CRTAC1: variants seen among roughly 807,000 people sequenced by gnomAD.
CRTAC1 encodes the protein cartilage acidic protein 1, also known as acidic secreted protein in cartilage.
In CRTAC1, 37 loss-of-function variants were observed where a neutral mutation model predicts 67.8. That is an observed-to-expected ratio of 0.55 (90% CI 0.42 to 0.72). The LOEUF is 0.72. Ranked by LOEUF, CRTAC1 falls within the 30% of genes least tolerant of loss-of-function variation. CRTAC1 has a pLI of 0.00. For missense variants in CRTAC1, 780 were observed against 931.6 expected (o/e 0.84, Z 2.12); for synonymous variants, 348 against 371.0 (o/e 0.94, Z 0.71).
At chr10:98,006,497 CCA>C (rs1439194167) in intron 2 of CRTAC1, among the ~76,000 whole-genome samples, 1 of 152,178 alleles carries the variant, frequency 6.6e-6, no homozygotes, top group Non-Finnish European at 1.5e-5. Flanking sequence ...CCTGCTCCTC[CCA>C]GAGTCAGAGA....
intron 2 of CRTAC1, among the ~76,000 whole-genome samples, chr10:98,010,935 C>T (rs1842892992): frequency 6.6e-6 from 1 of 152,186 alleles, no homozygotes; most frequent in South Asian, 2.1e-4. Context: ...CCATCCTGAC[C>T]CACTGCAGTA....
intron 5 of CRTAC1, among the ~76,000 whole-genome samples, chr10:97,911,595 A>C (rs903301684): frequency 1.3e-5 from 2 of 150,920 alleles, no homozygotes; most frequent in African/African-American, 4.9e-5. Flanking sequence ...CGGGGGGCTG[A>C]GGTGGGGCAG....
In CRTAC1 at chr10:98,001,549, T is replaced by A. The variant is rs557838801; in HGVS notation, c.224+9589A>T. On this transcript the variant is annotated intron_variant, in intron 2 of 14. Transcript: ENST00000370597. ...TCTCAATTTTAGAGATATTAAAATGTAAAAAAAAAAAATGTGACTTAGGAT... is the reference window on the plus strand; with the variant it reads ...TCTCAATTTTAGAGATATTAAAATGAAAAAAAAAAAAATGTGACTTAGGAT... 3.7e-4 allele frequency among the ~76,000 whole-genome samples: 54 copies of A among 146,798 alleles called. 1 individual carries two copies. In the South Asian group the frequency reaches 0.011, roughly 30 times the overall value.
At chr10:97,977,812 A>C (rs1365469427) in intron 2 of CRTAC1, among the ~76,000 whole-genome samples, 1 of 152,206 alleles carries the variant, frequency 6.6e-6, no homozygotes, top group African/African-American at 2.4e-5. Flanking sequence ...TCACGAGTGT[A>C]AATCAGAGTG....
Position 97,895,804 on chromosome 10 carries a change from C to A in CRTAC1, c.1317+81G>T. The A allele has an allele frequency of 2.5e-6, 3 of 1,212,974 alleles. No homozygotes were observed. The highest frequency in any genetic ancestry group is 3.6e-6 in the Non-Finnish European group (3 of 833,396). 75.1% of individuals were successfully genotyped at this position (1,212,974 alleles called of 1,614,324 possible). ...CCCACCATGCTGGCCAAGCCAGCAC[C>A]CCGGCACCTTGCCCTCACCAACTCA... On this transcript the variant is annotated intron_variant, in intron 10 of 14. Coordinates refer to ENST00000370597, the MANE Select transcript of CRTAC1 (RefSeq NM_018058.7). The surrounding 1 kb of genome is among the most constrained non-coding windows in gnomAD (Gnocchi z 4.2).
intron 5 of CRTAC1, among the ~76,000 whole-genome samples, chr10:97,914,889 G>A (rs558363251): frequency 2.0e-5 from 3 of 152,238 alleles, no homozygotes; most frequent in Admixed American, 6.5e-5. Context: ...CCACCCTCCC[G>A]GGGCCCTCGA....
At position 97,917,655 on chromosome 10, in the gene CRTAC1, C is replaced by T. The variant is rs763933401; in HGVS notation, c.560G>A (p.Gly187Asp). ...GRSVACVDRKGSGRYSIYIAN... is the reference protein window; with the variant it reads ...GRSVACVDRKDSGRYSIYIAN... Reference sequence around the variant, plus strand: ...AATGTAGATAGAGTAGCGTCCAGAGCCCTGAGGAAGAAGGGAAGGGAGAGG... The same window carrying T: ...AATGTAGATAGAGTAGCGTCCAGAGTCCTGAGGAAGAAGGGAAGGGAGAGG... Residue 187 changes from glycine to aspartate, a missense_variant and splice_region_variant, in exon 5 of 15, where the codon GGC becomes GAC. By Grantham distance (94) the Gly-to-Asp change is moderately conservative. Transcript: ENST00000370597. 26 of 1,543,648 alleles carry T rather than the reference C, an allele frequency of 1.7e-5. No homozygotes were observed. The highest frequency in any genetic ancestry group is 2.2e-5 in the Non-Finnish European group (25 of 1,135,930).
rs558120242 is a variant in CRTAC1 at position 97,939,359 on chromosome 10, C to T, written c.225-2993G>A. On this transcript the variant is annotated intron_variant, in intron 2 of 14. Coordinates refer to ENST00000370597, the MANE Select transcript of CRTAC1 (RefSeq NM_018058.7). Reference sequence around the variant, plus strand: ...GGTTGCTAGGCTGGGTCAAATTCTTCGATCAGTTACTGAGTGAGCACACGC... The same window carrying T: ...GGTTGCTAGGCTGGGTCAAATTCTTTGATCAGTTACTGAGTGAGCACACGC... 5.3e-4 allele frequency among the ~76,000 whole-genome samples: 81 copies of T among 152,264 alleles called. No individual in the cohort carries two copies. The South Asian group carries it at 0.013, about 24-fold the overall frequency.
At chr10:97,980,767 G>A (rs561922894) in intron 2 of CRTAC1, among the ~76,000 whole-genome samples, 5 of 152,192 alleles carry the variant, frequency 3.3e-5, no homozygotes, top group Non-Finnish European at 5.9e-5. Context: ...CCCCACGGAG[G>A]TGTCTAGTAT....
chr10:97,950,249 A>AGG (rs1438958542), intron 2 of CRTAC1, among the ~76,000 whole-genome samples: 2 of 91,810 alleles, frequency 2.2e-5, no homozygotes, highest in African/African-American at 8.3e-5. Context: ...ACACACACAG[A>AGG]GAGAGAGAGA....
At chr10:97,907,506 A>G (rs565243191) in intron 6 of CRTAC1, among the ~76,000 whole-genome samples, 1 of 151,276 alleles carries the variant, frequency 6.6e-6, no homozygotes, top group African/African-American at 2.4e-5. Flanking sequence ...TTACAGCCGG[A>G]TATTTTTGTC....
intron 2 of CRTAC1, among the ~76,000 whole-genome samples, chr10:97,937,069 C>G (rs374989410): frequency 1.1e-4 from 16 of 152,310 alleles, no homozygotes; most frequent in African/African-American, 3.8e-4. Flanking sequence ...ATGAACACGT[C>G]TAAAGTTATT....
At chr10:97,938,021 T>C (rs1000831472) in intron 2 of CRTAC1, among the ~76,000 whole-genome samples, 2 of 152,200 alleles carry the variant, frequency 1.3e-5, no homozygotes, top group Non-Finnish European at 2.9e-5. Flanking sequence ...CATCCCAAGA[T>C]GCAGAAGCCA....
intron 2 of CRTAC1, among the ~76,000 whole-genome samples, chr10:97,978,604 T>C (rs2051844020): frequency 6.6e-6 from 1 of 152,102 alleles, no homozygotes; most frequent in Non-Finnish European, 1.5e-5. Context: ...GACACTGGAG[T>C]TGATGGCTTC....
At chr10:97,919,350 C>T (rs538223457) in intron 4 of CRTAC1, among the ~76,000 whole-genome samples, 3 of 152,188 alleles carry the variant, frequency 2.0e-5, no homozygotes, top group South Asian at 4.2e-4. Context: ...TTAAAGGAGT[C>T]TCAGTCAGGT....
intron 4 of CRTAC1, among the ~76,000 whole-genome samples, chr10:97,921,515 A>G (rs1564895278): frequency 6.6e-6 from 1 of 152,332 alleles, no homozygotes; most frequent in East Asian, 1.9e-4. Flanking sequence ...TCGGATAGTG[A>G]CAGCATCTAC....
chr10:97,900,132 T>G (rs979408648), intron 8 of CRTAC1, among the ~76,000 whole-genome samples: 1 of 152,252 alleles, frequency 6.6e-6, no homozygotes, highest in Non-Finnish European at 1.5e-5. Context: ...CAATGGTCTC[T>G]GGACGTCCCC....
chr10:97,977,892 G>C (rs1264926630), intron 2 of CRTAC1, among the ~76,000 whole-genome samples: 1 of 152,182 alleles, frequency 6.6e-6, no homozygotes, highest in Non-Finnish European at 1.5e-5. Flanking sequence ...AGACAAAGCA[G>C]GGATTCACAC....
At chr10:98,008,510 C>T (rs1358576590) in intron 2 of CRTAC1, among the ~76,000 whole-genome samples, 1 of 151,710 alleles carries the variant, frequency 6.6e-6, no homozygotes, top group African/African-American at 2.4e-5. Context: ...GAGTTGGCTG[C>T]TCATTGTAGG....
Sources: gnomAD v4.1 joint callset for allele counts (sites outside exome capture counted in the v4.1 genomes callset) on GRCh38, gnomAD v4.1.1 for gene constraint, Gnocchi (gnomAD v3.1) non-coding constraint, MANE v1.5 for transcripts, NCBI Gene and HGNC (gene_info 2026-07-23, HGNC 2026-07-21) for gene names.